IQCM: variants seen among roughly 807,000 people sequenced by gnomAD.
IQCM encodes IQ motif containing M.
In IQCM, 45 loss-of-function variants were observed where a neutral mutation model predicts 57.6. The observed-to-expected ratio is 0.78, with a 90% confidence interval of 0.62 to 1.00. The LOEUF (loss-of-function observed/expected upper bound fraction) is 1.00. Ranked by LOEUF, IQCM falls within the 50% of genes least tolerant of loss-of-function variation. The pLI is 0.00. For synonymous variants in IQCM, 148 were observed against 158.9 expected (o/e 0.93, Z 0.51); for missense variants, 468 against 511.6 (o/e 0.91, Z 0.82).
chr4:149,577,224 CT>C (rs1331555162), intron 9 of IQCM, among the ~76,000 whole-genome samples: 1 of 151,874 alleles, frequency 6.6e-6, no homozygotes, highest in Non-Finnish European at 1.5e-5. Flanking sequence ...TGCAGAAGCT[CT>C]TTAGTTTAAT....
intron 2 of IQCM, among the ~76,000 whole-genome samples, chr4:149,804,852 C>T (rs192715316): frequency 5.3e-5 from 8 of 152,112 alleles, no homozygotes; most frequent in Admixed American, 2.0e-4. Flanking sequence ...CTCTTTTCCA[C>T]GGACACTTTC....
intron 2 of IQCM, among the ~76,000 whole-genome samples, chr4:149,769,540 A>G (rs980224099): frequency 8.6e-5 from 13 of 151,920 alleles, no homozygotes; most frequent in Admixed American, 2.6e-4. Flanking sequence ...CCCAAAATGT[A>G]CAATGCTCTA....
At chr4:149,524,114 A>G (rs2149836833) in intron 12 of IQCM, among the ~76,000 whole-genome samples, 1 of 152,294 alleles carries the variant, frequency 6.6e-6, no homozygotes, top group South Asian at 2.1e-4. Flanking sequence ...TATATACCAC[A>G]TAGATGACTC....
chr4:149,413,575 T>C (rs1408403928), intron 13 of IQCM, among the ~76,000 whole-genome samples: 1 of 152,006 alleles, frequency 6.6e-6, no homozygotes. Context: ...AAGACTTTAA[T>C]AAGGAAAAAT....
At chr4:149,420,990 A>C (rs1734082242) in intron 13 of IQCM, among the ~76,000 whole-genome samples, 1 of 40,370 alleles carries the variant, frequency 2.5e-5, no homozygotes. Context: ...TATTATGCAT[A>C]ATTATGACCA....
At chr4:149,694,312 C>T (rs572787223) in intron 5 of IQCM, among the ~76,000 whole-genome samples, 1 of 148,328 alleles carries the variant, frequency 6.7e-6, no homozygotes, top group African/African-American at 2.5e-5. Flanking sequence ...GCAAGCTCCG[C>T]CTCCCGGGTT....
chr4:149,747,737 T>C (rs1037055322), intron 2 of IQCM, among the ~76,000 whole-genome samples: 1 of 152,146 alleles, frequency 6.6e-6, no homozygotes, highest in Admixed American at 6.6e-5. Context: ...TCAGGCTAGC[T>C]AGGAACGCAG....
At chr4:149,571,034 C>A (rs1503702) in intron 9 of IQCM, among the ~76,000 whole-genome samples, 35,593 of 151,944 alleles carry the variant, frequency 0.23, 4,745 homozygotes, top group Non-Finnish European at 0.29. Flanking sequence ...GGAACCCCTG[C>A]ACACTGTTGG....
chr4:149,502,859 A>G (rs1393225886), intron 12 of IQCM, among the ~76,000 whole-genome samples: 1 of 152,146 alleles, frequency 6.6e-6, no homozygotes, highest in Non-Finnish European at 1.5e-5. Flanking sequence ...CAAATAAACT[A>G]AAGGCTAGAA....
intron 12 of IQCM, among the ~76,000 whole-genome samples, chr4:149,479,212 C>T (rs1740520374): frequency 6.6e-6 from 1 of 152,096 alleles, no homozygotes; most frequent in Non-Finnish European, 1.5e-5. Flanking sequence ...AACCTATTAG[C>T]TTAAGTATGA....
At chr4:149,657,832 G>T (rs1267406371) in intron 7 of IQCM, among the ~76,000 whole-genome samples, 1 of 151,530 alleles carries the variant, frequency 6.6e-6, no homozygotes, top group East Asian at 1.9e-4. Flanking sequence ...AAGGTCTCTT[G>T]CCCATTTGTT....
chr4:149,616,143 AC>A (rs929135623), intron 8 of IQCM, among the ~76,000 whole-genome samples: 1 of 152,166 alleles, frequency 6.6e-6, no homozygotes, highest in Non-Finnish European at 1.5e-5. Context: ...CAATATCTGT[AC>A]ACCCATGTTC....
intron 3 of IQCM, among the ~76,000 whole-genome samples, chr4:149,740,276 C>A (rs1420240648): frequency 6.6e-6 from 1 of 152,148 alleles, no homozygotes; most frequent in Admixed American, 6.6e-5. Flanking sequence ...AAAGCCCCAC[C>A]TCAGACACAA....
intron 13 of IQCM, among the ~76,000 whole-genome samples, chr4:149,358,879 G>GATAT (rs1427812018): frequency 6.6e-6 from 1 of 151,862 alleles, no homozygotes; most frequent in Admixed American, 6.6e-5. Context: ...AGTATATCAT[G>GATAT]AGACCACAGT....
At chr4:149,413,987 C>T (rs1221015031) in intron 13 of IQCM, among the ~76,000 whole-genome samples, 1 of 152,156 alleles carries the variant, frequency 6.6e-6, no homozygotes, top group East Asian at 1.9e-4. Flanking sequence ...AAAGAATTTT[C>T]CTCTAGGCAT....
chr4:149,411,001 C>T (rs1323698943), intron 13 of IQCM, among the ~76,000 whole-genome samples: 1 of 152,022 alleles, frequency 6.6e-6, no homozygotes, highest in African/African-American at 2.4e-5. Context: ...AATTAATAAT[C>T]TTCTTGTGTT....
rs181285889 is a variant in IQCM, at chr4:149,522,902, G to A, written c.1228+25553C>T. Among the ~76,000 whole-genome samples the A allele has an allele frequency of 1.5e-3, 224 of 152,098 alleles. 6 individuals are homozygous for A. The East Asian group carries it at 0.037, about 25-fold the overall frequency. On this transcript the variant is annotated intron_variant, in intron 12 of 13. Coordinates refer to ENST00000636793, the MANE Select transcript of IQCM (RefSeq NM_001363507.2). ...AAATTCCTGAACCCCAAAGATAAAA[G>A]AAAAAATTTGTACATGATTCCAGAC...
In IQCM at chr4:149,470,310, AG is replaced by A. The variant is rs529589388; in HGVS notation, c.1229-36754del. 2.1e-3 allele frequency among the ~76,000 whole-genome samples: 321 copies of A among 152,140 alleles called. 4 individuals carry two copies. The highest frequency in any genetic ancestry group is 7.4e-3 in the African/African-American group (308 of 41,492). On this transcript the variant is annotated intron_variant, in intron 12 of 13. Transcript: ENST00000636793. ...CAAGCAAATGGAAAAAAAAAAAAGC[AG>A]GGGTTGCAATACAAGTTTCTGATAA... is the stretch of plus-strand genomic sequence containing the variant.
chr4:149,417,091 G>A (rs1329684621), intron 13 of IQCM, among the ~76,000 whole-genome samples: 6 of 152,150 alleles, frequency 3.9e-5, no homozygotes, highest in African/African-American at 1.4e-4. Context: ...GACTTTCACA[G>A]GGAAGTGAAG....
Sources: allele counts gnomAD v4.1 joint callset (sites outside exome capture counted in the v4.1 genomes callset), GRCh38; gene constraint gnomAD v4.1.1; transcripts MANE v1.5; gene names NCBI Gene and HGNC (gene_info 2026-07-23, HGNC 2026-07-21).